Variants in SFR1 observed in about 807,000 individuals in gnomAD.
SFR1 encodes swi5-dependent recombination DNA repair protein 1 homolog.
In SFR1, 24 loss-of-function variants were observed where a neutral mutation model predicts 26.2. That is an observed-to-expected ratio of 0.92 (90% CI 0.66 to 1.29). SFR1 has a LOEUF of 1.29. Ranked by LOEUF, SFR1 falls within the 50% of genes most tolerant of loss-of-function variation. The pLI, the probability that SFR1 is intolerant of heterozygous loss-of-function variation, is 0.00. For synonymous variants in SFR1, 77 were observed against 96.6 expected (o/e 0.80, Z 1.19); for missense variants, 276 against 270.2 (o/e 1.02, Z -0.15).
At chr10:104,121,732 A>G (rs931817918), upstream of SFR1, among the ~76,000 whole-genome samples, 1 of 152,176 alleles carries the variant, frequency 6.6e-6, no homozygotes, top group Non-Finnish European at 1.5e-5. Context: ...TTTCAGGCGC[A>G]CTTCACAGAC....
intron 1 of SFR1, 73 bp from the exon 2 acceptor site, chr10:104,122,892 A>G (rs2086981573): frequency 6.3e-7 from 1 of 1,585,898 alleles, no homozygotes; most frequent in East Asian, 2.3e-5. Context: ...CACCAATACA[A>G]TATATTATTT....
chr10:104,125,442 AT>A, intron 3 of SFR1, 70 bp from the exon 4 acceptor site: 1 of 1,269,076 alleles, frequency 7.9e-7, no homozygotes, highest in Non-Finnish European at 1.1e-6. Flanking sequence ...ACATCCACTA[AT>A]TTAACAACTT....
Position 104,125,755 on chromosome 10 carries a change from G to T in SFR1, c.*51G>T. On this transcript the variant is annotated 3_prime_UTR_variant, in exon 4 of 4. Coordinates refer to ENST00000369727, the MANE Select transcript of SFR1 (RefSeq NM_001002759.2). ...TTTGAGAATGACAACTTAATTAAAA[G>T]ATACTTAGGCACTTTTTTTTTTTTT... The T allele has an allele frequency of 2.4e-6, 3 of 1,261,170 alleles. No homozygotes were observed. Among genetic ancestry groups the T allele is most frequent in the Non-Finnish European group, 3.3e-6 (3 of 904,430 alleles). The allele number at this position is 1,261,170 out of a possible 1,614,324, so 78.1% of individuals were successfully genotyped here. A position where few individuals can be genotyped will look rare whatever the true frequency, so the allele number is the denominator to read the frequency against.
At chr10:104,122,863 T>G (rs750848904) in intron 1 of SFR1, 102 bp from the exon 2 acceptor site, 18 of 1,559,788 alleles carry the variant, frequency 1.2e-5, no homozygotes, top group South Asian at 3.4e-5. Flanking sequence ...ATATCTGGCT[T>G]ACTTGTGGAT....
At chr10:104,120,793 G>T (rs1299794406), upstream of SFR1, among the ~76,000 whole-genome samples, 1 of 152,112 alleles carries the variant, frequency 6.6e-6, no homozygotes, top group African/African-American at 2.4e-5. Flanking sequence ...TGACTGTAAC[G>T]TGTACGCCCC....
upstream of SFR1, chr10:104,122,060 C>T (rs61743688): frequency 0.014 from 16,984 of 1,188,650 alleles, 187 homozygotes; most frequent in Non-Finnish European, 0.018. Context: ...CTGAGTGAAG[C>T]GGCGCCTCGC....
At chr10:104,120,281 A>G (rs1461425877), upstream of SFR1, among the ~76,000 whole-genome samples, 3 of 152,242 alleles carry the variant, frequency 2.0e-5, no homozygotes, top group African/African-American at 7.2e-5. Context: ...GAGTAAAGGG[A>G]GAAATAAATG....
chr10:104,121,316 G>A (rs1027826125), upstream of SFR1, among the ~76,000 whole-genome samples: 4 of 152,098 alleles, frequency 2.6e-5, no homozygotes, highest in Non-Finnish European at 5.9e-5. Flanking sequence ...TGCATACTGA[G>A]GTACAGAAAC....
upstream of SFR1, among the ~76,000 whole-genome samples, chr10:104,121,808 AGC>A (rs927424437): frequency 7.2e-5 from 11 of 152,170 alleles, no homozygotes; most frequent in Non-Finnish European, 1.2e-4. Context: ...CGCGAACGGA[AGC>A]GCGCCCCCCT....
chr10:104,120,892 G>A (rs2086954023), upstream of SFR1, among the ~76,000 whole-genome samples: 1 of 152,148 alleles, frequency 6.6e-6, no homozygotes, highest in Non-Finnish European at 1.5e-5. Context: ...CCACTTCTAA[G>A]CCACTACTGT....
chr10:104,126,253 A>G lies in SFR1; in HGVS notation c.*549A>G, dbSNP rs1014573587. On this transcript the variant is annotated 3_prime_UTR_variant, in exon 4 of 4. Coordinates refer to ENST00000369727, the MANE Select transcript of SFR1 (RefSeq NM_001002759.2). Reference sequence around the variant, plus strand: ...TATTTTAAATGTTAAAAATTGTCCAATCTGGTGAATGTCTAACCCTAAAGT... The same window carrying G: ...TATTTTAAATGTTAAAAATTGTCCAGTCTGGTGAATGTCTAACCCTAAAGT... The G allele has an allele frequency of 2.6e-5, 4 of 152,698 alleles. No individual in the cohort carries two copies. The highest frequency in any genetic ancestry group is 4.8e-5 in the African/African-American group (2 of 41,466). The allele number at this position is 152,698 out of a possible 1,614,324, so 9.5% of individuals were successfully genotyped here.
chr10:104,123,709 T>TA lies in SFR1; in HGVS notation c.136-4dup, dbSNP rs777072096. The TA allele has an allele frequency of 6.4e-7, 1 of 1,565,378 alleles. No individual in the cohort carries two copies. The highest frequency in any genetic ancestry group is 8.6e-7 in the Non-Finnish European group (1 of 1,160,094). ...CACATTTTTAATGTTTTGTGCTCTT[T>TA]ATAGCCTATGAGTGCAACACTTAGA... is the stretch of plus-strand genomic sequence containing the variant. On this transcript the variant is annotated splice_region_variant and splice_polypyrimidine_tract_variant and intron_variant, in intron 2 of 3. Coordinates refer to ENST00000369727, the MANE Select transcript of SFR1 (RefSeq NM_001002759.2).
Position 104,122,532 on chromosome 10 carries a change from G to C in SFR1, c.13+336G>C, listed in dbSNP as rs117677941. On this transcript the variant is annotated intron_variant, in intron 1 of 3. Coordinates refer to ENST00000369727, the MANE Select transcript of SFR1 (RefSeq NM_001002759.2). ...ATGCCTCGGGCCGGCAGGGTAACGG[G>C]TTCTAGTCACAGCTTGTAGAGTTCA... 710 of 985,430 alleles carry C rather than the reference G, an allele frequency of 7.2e-4. 1 individual carries two copies. Among genetic ancestry groups the C allele is most frequent in the Non-Finnish European group, 7.2e-4 (598 of 829,936 alleles). 61.0% of individuals were successfully genotyped at this position (985,430 alleles called of 1,614,324 possible).
At chr10:104,121,115 G>C (rs974371592), upstream of SFR1, among the ~76,000 whole-genome samples, 4 of 151,902 alleles carry the variant, frequency 2.6e-5, no homozygotes, top group East Asian at 3.9e-4. Flanking sequence ...GCGCGGGGGG[G>C]GGATTTTCTC....
At position 104,126,367 on chromosome 10, in the gene SFR1, T is replaced by G. The variant is rs1315205042; in HGVS notation, c.*663T>G. On this transcript the variant is annotated 3_prime_UTR_variant, in exon 4 of 4. Coordinates refer to ENST00000369727, the MANE Select transcript of SFR1 (RefSeq NM_001002759.2). ...CTGATAGTCTAGCAGGTAATTAAAC[T>G]TATATGTCCAAAACCATATTCTTCC... The G allele has an allele frequency of 6.5e-6, 1 of 152,696 alleles. No homozygotes were observed. The highest frequency in any genetic ancestry group is 6.5e-5 in the Admixed American group (1 of 15,288). The allele number at this position is 152,696 out of a possible 1,614,324, so 9.5% of individuals were successfully genotyped here.
chr10:104,124,250 T>G (rs1439925022), intron 3 of SFR1, 126 bp downstream of exon 3: 1 of 814,482 alleles, frequency 1.2e-6, no homozygotes, highest in African/African-American at 1.8e-5. Context: ...GAAACCTGGC[T>G]TCCAACAGCT....
At chr10:104,122,883 A>G (rs1003532453) in intron 1 of SFR1, 82 bp from the exon 2 acceptor site, 5 of 1,578,034 alleles carry the variant, frequency 3.2e-6, no homozygotes, top group Non-Finnish European at 4.3e-6. Flanking sequence ...TGCTTTGTAC[A>G]CCAATACAAT....
At chr10:104,125,148 T>G (rs2087011511) in intron 3 of SFR1, among the ~76,000 whole-genome samples, 1 of 152,194 alleles carries the variant, frequency 6.6e-6, no homozygotes, top group Non-Finnish European at 1.5e-5. Flanking sequence ...AAAGAGCAGT[T>G]TTAGGTTCAT....
In SFR1 at chr10:104,126,118, T is replaced by C. The variant is rs2087025075; in HGVS notation, c.*414T>C. On this transcript the variant is annotated 3_prime_UTR_variant, in exon 4 of 4. Transcript: ENST00000369727. The stretch of plus-strand genomic sequence containing the variant: ...ATAAACTAAGTTCTAAAAGGAAAAT[T>C]AGTATTTTGGATAGATTTGTCAAAA... 6.5e-6 allele frequency: 1 copy of C among 152,780 alleles called. No homozygotes were observed. Among genetic ancestry groups the C allele is most frequent in the Admixed American group, 6.5e-5 (1 of 15,296 alleles). 9.5% of individuals were successfully genotyped at this position (152,780 alleles called of 1,614,324 possible). A position where few individuals can be genotyped will look rare whatever the true frequency, so the allele number is the denominator to read the frequency against.
Sources: gnomAD v4.1 joint callset for allele counts (sites outside exome capture counted in the v4.1 genomes callset) on GRCh38, gnomAD v4.1.1 for gene constraint, MANE v1.5 for transcripts, NCBI Gene and HGNC (gene_info 2026-07-23, HGNC 2026-07-21) for gene names.